The following CORO2B variants were observed in gnomAD, a reference collection of about 807,000 sequenced individuals.
CORO2B encodes coronin 2B.
CORO2B carries 26 observed loss-of-function variants against 58.8 expected under a neutral mutation model. That is an observed-to-expected ratio of 0.44 (90% CI 0.32 to 0.61). The LOEUF is 0.61. CORO2B is among the 20% of genes least tolerant of loss of function. The pLI, the probability that CORO2B is intolerant of heterozygous loss-of-function variation, is 0.04. For synonymous variants in CORO2B, 242 were observed against 253.8 expected (o/e 0.95, Z 0.44); for missense variants, 460 against 645.1 (o/e 0.71, Z 3.11).
chr15:68,693,436 ACCT>A (rs1269007334), intron 2 of CORO2B, among the ~76,000 whole-genome samples: 1 of 152,110 alleles, frequency 6.6e-6, no homozygotes, highest in Non-Finnish European at 1.5e-5. Context: ...CAGCGGTATA[ACCT>A]CCTAGACTTC....
chr15:68,559,770 G>A, the CORO2B span, among the ~76,000 whole-genome samples: 19 of 152,156 alleles, frequency 1.2e-4, no homozygotes, highest in Admixed American at 1.2e-3. The surrounding 1 kb of genome is among the most constrained non-coding windows in gnomAD (Gnocchi z 4.3). Context: ...GCTCCACGGC[G>A]TGCCCACCAG....
the CORO2B span, among the ~76,000 whole-genome samples, chr15:68,541,086 G>T: frequency 6.6e-6 from 1 of 152,046 alleles, no homozygotes; most frequent in African/African-American, 2.4e-5. Context: ...TAAAAAGTTA[G>T]CCAGGTGTTG....
the CORO2B span, among the ~76,000 whole-genome samples, chr15:68,566,351 T>G: frequency 6.6e-6 from 1 of 151,982 alleles, no homozygotes; most frequent in African/African-American, 2.4e-5. Context: ...AGCTAGAGAG[T>G]AGGAGAAGCA....
chr15:68,521,740 T>G, the CORO2B span, among the ~76,000 whole-genome samples: 42,454 of 151,630 alleles, frequency 0.28, 6,651 homozygotes, highest in African/African-American at 0.41. Context: ...TTTCACTATA[T>G]ACTTCTTTTC....
At chr15:68,652,857 T>C (rs1452466235) in intron 2 of CORO2B, among the ~76,000 whole-genome samples, 1 of 152,272 alleles carries the variant, frequency 6.6e-6, no homozygotes, top group East Asian at 1.9e-4. Flanking sequence ...CCCAGTCATG[T>C]GCCTGCCCAC....
At chr15:68,530,542 A>G in the CORO2B span, among the ~76,000 whole-genome samples, 3 of 152,092 alleles carry the variant, frequency 2.0e-5, no homozygotes, top group Non-Finnish European at 1.5e-5. Context: ...TACTTGTACT[A>G]TCAGTAATTG....
intron 2 of CORO2B, among the ~76,000 whole-genome samples, chr15:68,650,879 G>A (rs1002043208): frequency 6.6e-6 from 1 of 152,198 alleles, no homozygotes; most frequent in Non-Finnish European, 1.5e-5. Flanking sequence ...TGTGCACTGG[G>A]TAAAGACGAG....
intron 3 of CORO2B, among the ~76,000 whole-genome samples, chr15:68,699,713 ACCT>A (rs1892595362): frequency 6.6e-6 from 1 of 152,230 alleles, no homozygotes; most frequent in Non-Finnish European, 1.5e-5. Flanking sequence ...CTGGATCCCA[ACCT>A]CTCCTGGAGG....
upstream of CORO2B, among the ~76,000 whole-genome samples, chr15:68,574,762 T>C (rs533418103): frequency 2.0e-5 from 3 of 152,300 alleles, no homozygotes; most frequent in South Asian, 4.1e-4. Flanking sequence ...TCATTATGAT[T>C]ATAATACAGG....
rs142398737 is a variant in CORO2B at position 68,632,371 on chromosome 15, T to A, written c.16-12789T>A. On this transcript the variant is annotated intron_variant, in intron 1 of 11. Coordinates refer to ENST00000261861, the MANE Select transcript of CORO2B (RefSeq NM_006091.5). ...GTAGCAGTGATAAAACGCATTCAGC[T>A]CGGTCCAGTAGAGTTGTGATGGAGT... 4.9e-4 allele frequency: 481 copies of A among 985,448 alleles called. 3 individuals are homozygous for A. The African/African-American group carries it at 7.9e-3, about 16-fold the overall frequency. The allele number at this position is 985,448 out of a possible 1,614,324, so 61.0% of individuals were successfully genotyped here. A position where few individuals can be genotyped will look rare whatever the true frequency, so the allele number is the denominator to read the frequency against.
the CORO2B span, among the ~76,000 whole-genome samples, chr15:68,568,886 T>G: frequency 6.6e-6 from 1 of 152,130 alleles, no homozygotes; most frequent in African/African-American, 2.4e-5. Context: ...GGCTTAATAC[T>G]TAGGTGATGG....
the CORO2B span, among the ~76,000 whole-genome samples, chr15:68,561,083 C>T: frequency 9.2e-5 from 14 of 152,256 alleles, no homozygotes; most frequent in African/African-American, 1.7e-4. Flanking sequence ...CCCTCCACCC[C>T]GCGTCCCCCA....
intron 1 of CORO2B, among the ~76,000 whole-genome samples, chr15:68,595,454 G>T (rs1378788915): frequency 6.6e-6 from 1 of 152,212 alleles, no homozygotes; most frequent in East Asian, 1.9e-4. Flanking sequence ...GTGGCTCCAG[G>T]CCCTGAGCCA....
chr15:68,723,353 C>A (rs1405980056), intron 11 of CORO2B, among the ~76,000 whole-genome samples: 1 of 151,898 alleles, frequency 6.6e-6, no homozygotes, highest in Non-Finnish European at 1.5e-5. Context: ...AACTCCTGAC[C>A]TCAGGTGATC....
chr15:68,592,481 T>C (rs1026775906), intron 1 of CORO2B, among the ~76,000 whole-genome samples: 1 of 152,170 alleles, frequency 6.6e-6, no homozygotes, highest in African/African-American at 2.4e-5. Flanking sequence ...TCTGGAGTGA[T>C]GGCGGTTACA....
At chr15:68,622,613 A>C (rs1249488881) in intron 1 of CORO2B, among the ~76,000 whole-genome samples, 2 of 152,164 alleles carry the variant, frequency 1.3e-5, no homozygotes, top group Non-Finnish European at 2.9e-5. Flanking sequence ...CTCATTAGAA[A>C]CAGAAGCAGC....
intron 11 of CORO2B, among the ~76,000 whole-genome samples, chr15:68,720,345 A>G (rs1893132678): frequency 6.6e-6 from 1 of 152,240 alleles, no homozygotes; most frequent in East Asian, 1.9e-4. Flanking sequence ...CCTGGCTCAT[A>G]TTAAGTGCTC....
intron 3 of CORO2B, among the ~76,000 whole-genome samples, chr15:68,704,059 C>T (rs904645851): frequency 6.6e-6 from 1 of 150,836 alleles, no homozygotes. Context: ...CACACACACA[C>T]ACACACACAC....
At chr15:68,718,327 C>T (rs1893079288) in intron 8 of CORO2B, among the ~76,000 whole-genome samples, 1 of 152,222 alleles carries the variant, frequency 6.6e-6, no homozygotes, top group Non-Finnish European at 1.5e-5. Context: ...GTAATGGGCT[C>T]TGTGGCCCTG....
Sources: allele counts gnomAD v4.1 joint callset (sites outside exome capture counted in the v4.1 genomes callset), GRCh38; gene constraint gnomAD v4.1.1; non-coding constraint Gnocchi (gnomAD v3.1); transcripts MANE v1.5; gene names NCBI Gene and HGNC (gene_info 2026-07-23, HGNC 2026-07-21).